The following TTLL12 variants were observed in gnomAD, a reference collection of about 807,000 sequenced individuals.
TTLL12 encodes the protein tubulin--tyrosine ligase-like protein 12.
In TTLL12, 77 loss-of-function variants were observed where a neutral mutation model predicts 79.6. The ratio of observed to expected loss-of-function variants is 0.97; its 90% CI spans 0.81 to 1.17. TTLL12 has a LOEUF of 1.17. Among genes scored for constraint, TTLL12 ranks in the 50% most tolerant of loss-of-function variants. The pLI is 0.00. For missense variants in TTLL12, 969 were observed against 895.9 expected, an observed-to-expected ratio of 1.08 and a Z score of -1.04; for synonymous variants, 437 against 376.1, an observed-to-expected ratio of 1.16 and a Z score of -1.87.
chr22:43,181,056 G>A, intron 2 of TTLL12, 116 bp from the exon 3 acceptor site: 1 of 1,192,938 alleles, frequency 8.4e-7, no homozygotes, highest in East Asian at 2.6e-5. Flanking sequence ...CTTAGATTTG[G>A]TCTACTGGGT....
At chr22:43,176,264 G>A in intron 6 of TTLL12, 56 bp downstream of exon 6, 1 of 1,295,732 alleles carries the variant, frequency 7.7e-7, no homozygotes, top group Non-Finnish European at 1.1e-6. Context: ...CACGAAGCAT[G>A]GGAGGCGGGG....
chr22:43,184,740 T>C (rs1932138123), intron 1 of TTLL12, among the ~76,000 whole-genome samples: 1 of 152,202 alleles, frequency 6.6e-6, no homozygotes. Context: ...TCCAAATCCC[T>C]AGGGGACAGC....
rs1384491050 is a variant in TTLL12 at position 43,167,066 on chromosome 22, A to G, written c.*942T>C. The stretch of plus-strand genomic sequence containing the variant: ...AACTGGAATTTTACATTTTTCTCCC[A>G]TACATTAAAAAATAAGAAAAAGCCA... On this transcript the variant is annotated 3_prime_UTR_variant, in exon 14 of 14. Coordinates refer to ENST00000216129, the MANE Select transcript of TTLL12 (RefSeq NM_015140.4). 5.2e-6 allele frequency: 2 copies of G among 387,212 alleles called. No individual in the cohort carries two copies. The highest frequency in any genetic ancestry group is 1.1e-5 in the Non-Finnish European group (2 of 188,518). 24.0% of individuals were successfully genotyped at this position (387,212 alleles called of 1,614,324 possible).
At position 43,183,452 on chromosome 22, in the gene TTLL12, G is replaced by T. The variant is rs1047091015; in HGVS notation, c.178-303C>A. Among the ~76,000 whole-genome samples the T allele has an allele frequency of 5.3e-5, 8 of 152,326 alleles. No homozygotes were observed. The South Asian group carries it at 1.7e-3, about 32-fold the overall frequency. ...ATGGGACCTTGAGGACTTGCTGGAGGTATCTGTAGTCCACCCCACTCACAT... is the reference window on the plus strand; with the variant it reads ...ATGGGACCTTGAGGACTTGCTGGAGTTATCTGTAGTCCACCCCACTCACAT... On this transcript the variant is annotated intron_variant, in intron 1 of 13. Coordinates refer to ENST00000216129, the MANE Select transcript of TTLL12 (RefSeq NM_015140.4).
At position 43,187,122 on chromosome 22, in the gene TTLL12, G is replaced by C; in HGVS notation, c.-53C>G. On this transcript the variant is annotated 5_prime_UTR_variant, in exon 1 of 14. Transcript: ENST00000216129. ...GCCGCCACCGCCGCCGCCGCCCGCCGTCCGTCGGCCCTGCCCTCCCGCCTC... is the reference window on the plus strand; with the variant it reads ...GCCGCCACCGCCGCCGCCGCCCGCCCTCCGTCGGCCCTGCCCTCCCGCCTC... The C allele has an allele frequency of 1.0e-6, 1 of 958,238 alleles. No homozygotes were observed. Among genetic ancestry groups the C allele is most frequent in the Non-Finnish European group, 1.2e-6 (1 of 802,864 alleles). 59.4% of individuals were successfully genotyped at this position (958,238 alleles called of 1,614,324 possible).
chr22:43,182,654 G>A (rs1011513763), intron 2 of TTLL12, among the ~76,000 whole-genome samples: 6 of 152,192 alleles, frequency 3.9e-5, no homozygotes, highest in African/African-American at 1.4e-4. Context: ...CTGGGGAGGA[G>A]TAAGGCTGAC....
chr22:43,179,349 T>G (rs1931993052), intron 5 of TTLL12, among the ~76,000 whole-genome samples: 1 of 151,920 alleles, frequency 6.6e-6, no homozygotes, highest in South Asian at 2.1e-4. Flanking sequence ...CACAGCCCCC[T>G]CCTTCCCAAG....
chr22:43,168,474 G>A (rs1338127267), intron 13 of TTLL12, among the ~76,000 whole-genome samples: 1 of 152,150 alleles, frequency 6.6e-6, no homozygotes, highest in Non-Finnish European at 1.5e-5. Flanking sequence ...ACTGTGTGGG[G>A]GTCTGGCACA....
intron 5 of TTLL12, among the ~76,000 whole-genome samples, chr22:43,178,934 G>A (rs1212273927): frequency 1.3e-5 from 2 of 152,222 alleles, no homozygotes; most frequent in African/African-American, 2.4e-5. Context: ...CCAGCCTACG[G>A]AAGCAGCAGC....
intron 1 of TTLL12, among the ~76,000 whole-genome samples, chr22:43,185,297 A>ATATATATATG (rs1932156372): frequency 9.4e-6 from 1 of 106,162 alleles, no homozygotes; most frequent in African/African-American, 3.8e-5. Flanking sequence ...ATATATATAT[A>ATATATATATG]TATGTATGTA....
intron 9 of TTLL12, among the ~76,000 whole-genome samples, chr22:43,173,446 G>T (rs902546375): frequency 6.6e-6 from 1 of 152,206 alleles, no homozygotes; most frequent in African/African-American, 2.4e-5. Flanking sequence ...GAGAAGCTGG[G>T]ACTACAGGTG....
intron 4 of TTLL12, 41 bp downstream of exon 4, chr22:43,179,800 G>C (rs1180089694): frequency 1.0e-5 from 16 of 1,553,538 alleles, no homozygotes; most frequent in Non-Finnish European, 1.4e-5. Flanking sequence ...GGGACACTGG[G>C]CTGAGGCCCC....
chr22:43,181,373 G>A (rs916323558), intron 2 of TTLL12, among the ~76,000 whole-genome samples: 8 of 152,164 alleles, frequency 5.3e-5, no homozygotes, highest in African/African-American at 1.9e-4. Context: ...CTGCAGGCCT[G>A]GCACACCACA....
chr22:43,171,573 T>C (rs1002102347), intron 11 of TTLL12: 1 of 464,488 alleles, frequency 2.2e-6, no homozygotes, highest in Non-Finnish European at 4.0e-6. Context: ...TCCCCCTCTG[T>C]GTCCACATTA....
chr22:43,167,751 G>GA lies in TTLL12; in HGVS notation c.*256dup, dbSNP rs1931654740. The GA allele has an allele frequency of 2.4e-6, 1 of 414,100 alleles. No homozygotes were observed. Among genetic ancestry groups the GA allele is most frequent in the African/African-American group, 2.0e-5 (1 of 50,174 alleles). 25.7% of individuals were successfully genotyped at this position (414,100 alleles called of 1,614,324 possible). On this transcript the variant is annotated 3_prime_UTR_variant, in exon 14 of 14. Coordinates refer to ENST00000216129, the MANE Select transcript of TTLL12 (RefSeq NM_015140.4). The stretch of plus-strand genomic sequence containing the variant: ...GACTCATCAGTGCACAGATGGTGGT[G>GA]AGGGGTGAGGGCAGGGCGTGGGGTG...
rs1165156033 is a variant in TTLL12, at chr22:43,167,189, C to A, written c.*819G>T. 1 of 532,084 alleles carries A rather than the reference C, an allele frequency of 1.9e-6. No individual in the cohort carries two copies. Among genetic ancestry groups the A allele is most frequent in the Non-Finnish European group, 3.9e-6 (1 of 259,456 alleles). The allele number at this position is 532,084 out of a possible 1,614,324, so 33.0% of individuals were successfully genotyped here. On this transcript the variant is annotated 3_prime_UTR_variant, in exon 14 of 14. Coordinates refer to ENST00000216129, the MANE Select transcript of TTLL12 (RefSeq NM_015140.4). ...CTGGCGCTCCACCGCCCACAATCAG[C>A]CCCAGCCCCAGGCGCCCCTTGCCGA... is the stretch of plus-strand genomic sequence containing the variant.
chr22:43,186,086 G>T, intron 1 of TTLL12: 2 of 901,450 alleles, frequency 2.2e-6, no homozygotes, highest in Non-Finnish European at 2.7e-6. Context: ...CCGGGTCCCT[G>T]TTCTTGGCTC....
At chr22:43,170,527 A>T (rs1224656132) in intron 11 of TTLL12, among the ~76,000 whole-genome samples, 1 of 152,224 alleles carries the variant, frequency 6.6e-6, no homozygotes. Context: ...GTTAGCAACA[A>T]GCCCGAACCT....
intron 1 of TTLL12, among the ~76,000 whole-genome samples, chr22:43,185,709 A>G (rs1329025845): frequency 6.6e-6 from 1 of 152,194 alleles, no homozygotes; most frequent in African/African-American, 2.4e-5. Context: ...CAGATGGAGA[A>G]CAGGTCTCAG....
Sources: allele counts gnomAD v4.1 joint callset (sites outside exome capture counted in the v4.1 genomes callset), GRCh38; gene constraint gnomAD v4.1.1; transcripts MANE v1.5; gene names NCBI Gene and HGNC (gene_info 2026-07-23, HGNC 2026-07-21).